Variants in USP9X observed in about 807,000 individuals in gnomAD.
USP9X encodes the protein ubiquitin carboxyl-terminal hydrolase 9X.
In USP9X, 7 loss-of-function variants were observed where a neutral mutation model predicts 190.3. The ratio of observed to expected loss-of-function variants is 0.04; its 90% CI spans 0.02 to 0.07. The LOEUF (loss-of-function observed/expected upper bound fraction) is 0.07. USP9X is among the 10% of genes least tolerant of loss of function. The pLI is 1.00. For missense variants in USP9X, 1,010 were observed against 1,916.9 expected (o/e 0.53, Z 8.83); for synonymous variants, 645 against 659.5 (o/e 0.98, Z 0.34).
chrX:41,193,441 T>G (rs1454327918), intron 26 of USP9X, among the ~76,000 whole-genome samples: 1 of 111,329 alleles, frequency 9.0e-6, no homozygotes, highest in Admixed American at 9.6e-5. Flanking sequence ...GACAGGAGGA[T>G]CACTTGAGGC....
chrX:41,148,072 A>C (rs751391360), intron 11 of USP9X, among the ~76,000 whole-genome samples: 7 of 111,580 alleles, frequency 6.3e-5, no homozygotes, highest in Non-Finnish European at 1.1e-4. Flanking sequence ...CCCTTCCCCA[A>C]GCATGATAAC....
intron 28 of USP9X, 29 bp from the exon 29 acceptor site, chrX:41,197,331 TCCCC>T: frequency 8.2e-6 from 4 of 486,735 alleles, no homozygotes; most frequent in Non-Finnish European, 8.8e-6. Context: ...TTTGATTTCT[TCCCC>T]CCCCCACCCC....
intron 26 of USP9X, 89 bp downstream of exon 26, chrX:41,189,564 TA>T: frequency 1.2e-6 from 1 of 867,867 alleles, no homozygotes; most frequent in Non-Finnish European, 1.6e-6. Flanking sequence ...CAAAATTAAA[TA>T]TTTATTGTCT....
chrX:41,184,424 G>C lies in USP9X; in HGVS notation c.3307G>C (p.Gly1103Arg). 1 of 1,210,484 alleles carries C rather than the reference G, an allele frequency of 8.3e-7. No individual in the cohort carries two copies. Among genetic ancestry groups the C allele is most frequent in the Non-Finnish European group, 1.1e-6 (1 of 895,110 alleles). The change falls in exon 23 of 45, where the codon GGT (glycine) becomes CGT (arginine). Residue 1103 changes from glycine (G) to arginine (R), a missense_variant. By Grantham distance (125) the Gly-to-Arg change is moderately radical. Transcript: ENST00000378308. ...AGTCTATGCCTTGTTAATGCCTGCT[G>C]GTGCACCTCTGGCTGATGATTCCTC... Reference protein sequence around the residue: ...EVVYALLMPAGAPLADDSSDF... With the variant: ...EVVYALLMPARAPLADDSSDF...
At chrX:41,118,583 A>G (rs2062167712) in intron 1 of USP9X, among the ~76,000 whole-genome samples, 1 of 111,501 alleles carries the variant, frequency 9.0e-6, no homozygotes, top group African/African-American at 3.3e-5. Flanking sequence ...AGACAAGGTG[A>G]TCTCCCTGGC....
At position 41,201,865 on chromosome X, in the gene USP9X, G is replaced by A. The variant is rs750935274; in HGVS notation, c.4824+585G>A. 9.9e-5 allele frequency among the ~76,000 whole-genome samples: 11 copies of A among 111,372 alleles called. No individual in the cohort carries two copies. The South Asian group carries it at 1.5e-3, about 15-fold the overall frequency. On this transcript the variant is annotated intron_variant, in intron 31 of 44. Transcript: ENST00000378308. ...ACATGCCTGTAGTCCTAGCTACTCGGAAGGCTGAGGCAGGAGAATCACTTG... is the reference window on the plus strand; with the variant it reads ...ACATGCCTGTAGTCCTAGCTACTCGAAAGGCTGAGGCAGGAGAATCACTTG...
rs754306060 is a variant in USP9X, at chrX:41,150,780, A to G, written c.1627-141A>G. The G allele has an allele frequency of 5.7e-5, 35 of 614,707 alleles. No individual in the cohort carries two copies. The South Asian group carries it at 1.4e-3, about 24-fold the overall frequency. The allele number at this position is 614,707 out of a possible 1,213,427, so 50.7% of individuals were successfully genotyped here. On this transcript the variant is annotated intron_variant, in intron 12 of 44. Coordinates refer to ENST00000378308, the MANE Select transcript of USP9X (RefSeq NM_001039591.3). ...TTAAAGCTTTTATTATTTAAATTAA[A>G]CTCTTTACTGTAATTACAACATGAT...
chrX:41,100,366 C>T (rs532333367), intron 1 of USP9X, among the ~76,000 whole-genome samples: 10 of 112,136 alleles, frequency 8.9e-5, no homozygotes, highest in African/African-American at 3.2e-4. Flanking sequence ...GGTTGAATAA[C>T]TTGTCCAGCT....
intron 1 of USP9X, among the ~76,000 whole-genome samples, chrX:41,113,822 GATA>G (rs760144430): frequency 4.0e-3 from 447 of 111,916 alleles, no homozygotes; most frequent in African/African-American, 0.013. Flanking sequence ...AATACATGTA[GATA>G]ATAATCTATT....
chrX:41,113,112 C>T (rs2062121779), intron 1 of USP9X, among the ~76,000 whole-genome samples: 1 of 112,431 alleles, frequency 8.9e-6, no homozygotes, highest in Non-Finnish European at 1.9e-5. Context: ...AAAATTTTGT[C>T]TTTAAAAACA....
intron 1 of USP9X, among the ~76,000 whole-genome samples, chrX:41,088,489 A>G (rs1032941761): frequency 8.9e-6 from 1 of 112,444 alleles, no homozygotes; most frequent in African/African-American, 3.2e-5. Context: ...TTTTTATTTA[A>G]TAAGATCAAT....
intron 4 of USP9X, among the ~76,000 whole-genome samples, chrX:41,133,792 A>G (rs2062346220): frequency 8.9e-6 from 1 of 112,268 alleles, no homozygotes; most frequent in African/African-American, 3.2e-5. Context: ...TAATGGCTAA[A>G]TAATACTCCA....
At chrX:41,205,660 TAGGA>T (rs1173152408) in intron 32 of USP9X, among the ~76,000 whole-genome samples, 167 bp downstream of exon 32, 2 of 106,147 alleles carry the variant, frequency 1.9e-5, no homozygotes, top group African/African-American at 6.9e-5. Flanking sequence ...TAGGTCCCCT[TAGGA>T]AGAAGTAGAA....
intron 20 of USP9X, 193 bp from the exon 21 acceptor site, chrX:41,171,645 T>A: frequency 2.0e-6 from 1 of 497,692 alleles, no homozygotes; most frequent in Non-Finnish European, 3.5e-6. Context: ...TGACTGGAAG[T>A]GACTTGATGA....
chrX:41,186,720 A>G (rs2062879310), intron 24 of USP9X, 78 bp downstream of exon 24: 3 of 1,063,715 alleles, frequency 2.8e-6, no homozygotes, highest in Non-Finnish European at 3.9e-6. Flanking sequence ...CATTCTATAG[A>G]TAATGTCCCC....
At position 41,088,126 on chromosome X, in the gene USP9X, G is replaced by C. The variant is rs866355037; in HGVS notation, c.-159+2017G>C. ...AGCCTCCCTGGTAGCTGGGACTACAGGCGCGTGCCATCACGCCCGGCTAAT... is the reference window on the plus strand; with the variant it reads ...AGCCTCCCTGGTAGCTGGGACTACACGCGCGTGCCATCACGCCCGGCTAAT... On this transcript the variant is annotated intron_variant, in intron 1 of 44. Coordinates refer to ENST00000378308, the MANE Select transcript of USP9X (RefSeq NM_001039591.3). Among the ~76,000 whole-genome samples, 14 of 111,911 alleles carry C rather than the reference G, an allele frequency of 1.3e-4. No individual in the cohort carries two copies. In the Middle Eastern group the frequency reaches 0.014, roughly 111 times the overall value.
In USP9X at chrX:41,161,635, C is replaced by CTTTTTTTTTTTTTTTTTTTTTTT. The variant is rs759623425; in HGVS notation, c.1898-1154_1898-1132dup. Among the ~76,000 whole-genome samples the CTTTTTTTTTTTTTTTTTTTTTTT allele has an allele frequency of 2.1e-4, 10 of 47,408 alleles. 1 individual carries two copies. Among genetic ancestry groups the CTTTTTTTTTTTTTTTTTTTTTTT allele is most frequent in the Admixed American group, 1.2e-3 (4 of 3,260 alleles). 41.2% of individuals were successfully genotyped at this position (47,408 alleles called of 115,157 possible). A position where few individuals can be genotyped will look rare whatever the true frequency, so the allele number is the denominator to read the frequency against. On this transcript the variant is annotated intron_variant, in intron 14 of 44. Transcript: ENST00000378308. ...ACAGGCGTGAGCCATGGCGCCCTGC[C>CTTTTTTTTTTTTTTTTTTTTTTT]TTTTTTTTTTTTTTTTTTTTTTTAA...
intron 6 of USP9X, among the ~76,000 whole-genome samples, chrX:41,137,611 A>G (rs758247415): frequency 9.0e-6 from 1 of 111,279 alleles, no homozygotes; most frequent in African/African-American, 3.2e-5. Flanking sequence ...AGACATTTTT[A>G]ATATTATAGG....
chrX:41,121,091 G>A (rs1187479585), intron 1 of USP9X, among the ~76,000 whole-genome samples: 1 of 107,957 alleles, frequency 9.3e-6, no homozygotes, highest in Non-Finnish European at 1.9e-5. Flanking sequence ...CAAGTGATTC[G>A]CTTGCCTTTG....
Sources: gnomAD v4.1 joint callset for allele counts (sites outside exome capture counted in the v4.1 genomes callset) on GRCh38, gnomAD v4.1.1 for gene constraint, MANE v1.5 for transcripts, NCBI Gene and HGNC (gene_info 2026-07-23, HGNC 2026-07-21) for gene names.